The following CDH13 variants were observed in gnomAD, a reference collection of about 807,000 sequenced individuals.
CDH13 encodes cadherin-13.
A neutral mutation model predicts 63.8 loss-of-function variants in CDH13; 24 were observed. The ratio of observed to expected loss-of-function variants is 0.38; its 90% CI spans 0.27 to 0.53. CDH13 has a LOEUF of 0.53. CDH13 is among the 20% of genes least tolerant of loss of function. CDH13 has a pLI of 0.85. For synonymous variants in CDH13, 503 were observed against 355.3 expected (o/e 1.42, Z -4.67); for missense variants, 1,049 against 903.1 (o/e 1.16, Z -2.07).
intron 7 of CDH13, among the ~76,000 whole-genome samples, chr16:83,569,608 T>C (rs186499641): frequency 5.2e-4 from 79 of 152,366 alleles, no homozygotes; most frequent in Non-Finnish European, 9.4e-4. Context: ...AGATTCCTAA[T>C]TATCTTCTTC....
At chr16:82,697,762 TGTGTGTGTGTGTGTGTGTGTG>T (rs2030506648) in intron 1 of CDH13, among the ~76,000 whole-genome samples, 1 of 145,112 alleles carries the variant, frequency 6.9e-6, no homozygotes, top group African/African-American at 2.7e-5. Context: ...TGTGTGTGTG[TGTGTGTGTGTGTGTGTGTGTG>T]TGTGTAAGTT....
At chr16:83,658,640 C>T (rs113318883) in intron 8 of CDH13, among the ~76,000 whole-genome samples, 3,919 of 120,912 alleles carry the variant, frequency 0.032, no homozygotes, top group East Asian at 0.054. Flanking sequence ...GGTCTCATGT[C>T]CTCACCACCA....
intron 5 of CDH13, among the ~76,000 whole-genome samples, chr16:83,334,357 T>A (rs1410851585): frequency 1.4e-3 from 84 of 58,382 alleles, no homozygotes; most frequent in African/African-American, 5.6e-3. Context: ...TCTCTCTCTC[T>A]CTCTCACACA....
chr16:83,395,940 C>A (rs2091878993), intron 6 of CDH13, among the ~76,000 whole-genome samples: 2 of 152,102 alleles, frequency 1.3e-5, no homozygotes, highest in African/African-American at 4.8e-5. Context: ...TTTTCCTGAT[C>A]CTCTCCCTCC....
intron 1 of CDH13, among the ~76,000 whole-genome samples, chr16:82,757,114 T>C (rs2151077642): frequency 6.6e-6 from 1 of 152,290 alleles, no homozygotes; most frequent in East Asian, 1.9e-4. Flanking sequence ...CAACTCTTAG[T>C]TCATACAGTG....
At chr16:83,679,202 A>C (rs1347850831) in intron 10 of CDH13, among the ~76,000 whole-genome samples, 1 of 152,344 alleles carries the variant, frequency 6.6e-6, no homozygotes, top group East Asian at 1.9e-4. Flanking sequence ...AATGGTCGCT[A>C]TCCACCCGTG....
chr16:83,206,820 A>G (rs1166600490), intron 4 of CDH13, among the ~76,000 whole-genome samples: 1 of 152,250 alleles, frequency 6.6e-6, no homozygotes, highest in African/African-American at 2.4e-5. Flanking sequence ...GAGACCAAGG[A>G]CACTGACCAG....
rs763247638 is a variant in CDH13 at position 82,858,440 on chromosome 16, G to C, written c.124G>C (p.Ala42Pro). The change falls in exon 2 of 14, where the codon GCT (alanine) becomes CCT (proline). Residue 42 changes from alanine to proline, a missense_variant. Physicochemically the swap from Ala to Pro is conservative, Grantham distance 27 (BLOSUM62 -1). Transcript: ENST00000567109. ...GAAAGTGTTCCATATCAATCAGCCA[G>C]CTGAATTCATTGAGGACCAGTCAAT... ...QQKVFHINQP[A>P]EFIEDQSILN... 9.3e-6 allele frequency: 15 copies of C among 1,613,106 alleles called. No homozygotes were observed. Among genetic ancestry groups the C allele is most frequent in the Non-Finnish European group, 1.3e-5 (15 of 1,179,106 alleles).
At chr16:82,633,101 T>C (rs1908218711) in intron 1 of CDH13, among the ~76,000 whole-genome samples, 1 of 152,168 alleles carries the variant, frequency 6.6e-6, no homozygotes, top group South Asian at 2.1e-4. Context: ...CCTCCTGCTG[T>C]GTGGCCTGAT....
At chr16:83,345,345 T>C (rs1176911553) in intron 6 of CDH13, among the ~76,000 whole-genome samples, 2 of 152,212 alleles carry the variant, frequency 1.3e-5, no homozygotes, top group Non-Finnish European at 2.9e-5. Context: ...TAGCAGGGCT[T>C]TGATGAGAAT....
intron 6 of CDH13, among the ~76,000 whole-genome samples, chr16:83,386,302 C>G (rs1350475451): frequency 6.6e-6 from 1 of 152,178 alleles, no homozygotes; most frequent in African/African-American, 2.4e-5. Context: ...AAACCAGCAT[C>G]AGGACATTGG....
At chr16:83,379,660 A>G (rs574087971) in intron 6 of CDH13, among the ~76,000 whole-genome samples, 1 of 152,242 alleles carries the variant, frequency 6.6e-6, no homozygotes, top group South Asian at 2.1e-4. Context: ...ACACAACAAC[A>G]GACTTGAAGA....
chr16:83,237,795 G>C (rs933259439), intron 5 of CDH13, among the ~76,000 whole-genome samples: 2 of 152,160 alleles, frequency 1.3e-5, no homozygotes, highest in Admixed American at 6.5e-5. Context: ...TCACTGTCGA[G>C]ATAAAATGAG....
intron 7 of CDH13, among the ~76,000 whole-genome samples, chr16:83,568,862 G>C (rs914852932): frequency 2.0e-5 from 3 of 151,914 alleles, no homozygotes; most frequent in African/African-American, 7.3e-5. Context: ...TCCACTTCCA[G>C]CTCCTGCCTC....
chr16:82,902,073 G>T (rs986795947), intron 2 of CDH13, among the ~76,000 whole-genome samples: 2 of 152,102 alleles, frequency 1.3e-5, no homozygotes, highest in Non-Finnish European at 2.9e-5. Flanking sequence ...TCAAAACTTG[G>T]GCTGTTTGCC....
intron 2 of CDH13, among the ~76,000 whole-genome samples, chr16:83,001,676 A>G (rs143668025): frequency 3.5e-4 from 54 of 152,338 alleles, no homozygotes; most frequent in Middle Eastern, 3.4e-3. Flanking sequence ...TTCTCTTGTC[A>G]GAAGGGGTTC....
At chr16:83,473,042 T>C (rs893899810) in intron 6 of CDH13, among the ~76,000 whole-genome samples, 6 of 152,198 alleles carry the variant, frequency 3.9e-5, no homozygotes, top group Non-Finnish European at 8.8e-5. Context: ...TACCCCAGTC[T>C]GTGAGCCCAG....
intron 1 of CDH13, chr16:82,826,808 C>A (rs1192738384): frequency 6.6e-6 from 1 of 152,146 alleles, no homozygotes; most frequent in African/African-American, 2.4e-5. Context: ...TGAGCATAGA[C>A]ATCTAAATGT....
Position 83,010,886 on chromosome 16 carries a change from G to A in CDH13, c.158-21124G>A, listed in dbSNP as rs991033241. 4.6e-5 allele frequency among the ~76,000 whole-genome samples: 7 copies of A among 152,284 alleles called. No individual in the cohort carries two copies. The East Asian group carries it at 5.8e-4, about 13-fold the overall frequency. On this transcript the variant is annotated intron_variant, in intron 2 of 13. Coordinates refer to ENST00000567109, the MANE Select transcript of CDH13 (RefSeq NM_001257.5). ...TTTGGTTCTCCCCATTCTTTAAGGC[G>A]AAACTTAAATGTAATTTCTTAGCAT...
Sources: allele counts gnomAD v4.1 joint callset (sites outside exome capture counted in the v4.1 genomes callset), GRCh38; gene constraint gnomAD v4.1.1; transcripts MANE v1.5; gene names NCBI Gene and HGNC (gene_info 2026-07-23, HGNC 2026-07-21).